Variants in SETD5 observed in about 807,000 individuals in gnomAD.
SETD5 encodes the protein SET domain containing 5, also known as histone-lysine N-methyltransferase SETD5.
A neutral mutation model predicts 153.3 loss-of-function variants in SETD5; 44 were observed. The ratio of observed to expected loss-of-function variants is 0.29; its 90% CI spans 0.23 to 0.37. The LOEUF (loss-of-function observed/expected upper bound fraction) is 0.37, where lower values mean the gene tolerates loss of function less well. Ranked by LOEUF, SETD5 falls within the 10% of genes least tolerant of loss-of-function variation. SETD5 has a pLI of 1.00. For synonymous variants in SETD5, 716 were observed against 645.2 expected (o/e 1.11, Z -1.66); for missense variants, 1,544 against 1,768.0 (o/e 0.87, Z 2.27).
intron 16 of SETD5, among the ~76,000 whole-genome samples, chr3:9,452,659 ATTTTTT>A (rs1164278885): frequency 1.6e-3 from 96 of 59,830 alleles, no homozygotes; most frequent in African/African-American, 6.3e-3. Context: ...ATGATGTAAG[ATTTTTT>A]TTTTTTTTTT....
chr3:9,422,745 A>G (rs1243194284), intron 1 of SETD5, among the ~76,000 whole-genome samples: 1 of 152,106 alleles, frequency 6.6e-6, no homozygotes, highest in Non-Finnish European at 1.5e-5. Flanking sequence ...AGGAAGAGAG[A>G]TTTTGGCGTT....
chr3:9,443,449 T>C (rs1392444071), intron 11 of SETD5, 32 bp downstream of exon 11: 1 of 1,192,378 alleles, frequency 8.4e-7, no homozygotes, highest in Non-Finnish European at 1.1e-6. Context: ...CTAACAGGAA[T>C]ATCCATGTCT....
intron 18 of SETD5, 78 bp from the exon 19 acceptor site, chr3:9,470,381 C>T (rs1027576223): frequency 1.5e-5 from 15 of 1,021,350 alleles, no homozygotes; most frequent in Middle Eastern, 2.1e-4. Flanking sequence ...TCACCTGTGT[C>T]CCTCTCCCCT....
chr3:9,437,951 C>T (rs529366437), intron 7 of SETD5, among the ~76,000 whole-genome samples: 3 of 150,986 alleles, frequency 2.0e-5, no homozygotes, highest in Admixed American at 6.6e-5. Flanking sequence ...TGTAGTGAGC[C>T]GAGATCACGC....
chr3:9,404,415 GTAAT>G (rs1165082424), intron 1 of SETD5, among the ~76,000 whole-genome samples: 29 of 152,238 alleles, frequency 1.9e-4, no homozygotes, highest in African/African-American at 4.3e-4. Context: ...GAAATTTTGA[GTAAT>G]TAATTATTAT....
chr3:9,455,310 T>A (rs752038281), intron 17 of SETD5, among the ~76,000 whole-genome samples: 4 of 151,868 alleles, frequency 2.6e-5, no homozygotes, highest in Admixed American at 6.6e-5. Flanking sequence ...TTCACCATGT[T>A]GGCCAGGCTA....
chr3:9,459,044 C>G lies in SETD5; in HGVS notation c.2476+5176C>G, dbSNP rs191153426. On this transcript the variant is annotated intron_variant, in intron 17 of 22. Coordinates refer to ENST00000402198, the MANE Select transcript of SETD5 (RefSeq NM_001080517.3). ...AATCTATGCTTCAGGATTCGACAAA[C>G]TCTTGGAAAATATTTTCTGCATCCT... Among the ~76,000 whole-genome samples the G allele has an allele frequency of 1.0e-3, 154 of 152,184 alleles. 1 individual carries two copies. The highest frequency in any genetic ancestry group is 3.7e-3 in the African/African-American group (152 of 41,518).
intron 16 of SETD5, among the ~76,000 whole-genome samples, chr3:9,451,978 G>T (rs1575496221): frequency 6.6e-6 from 1 of 152,266 alleles, no homozygotes; most frequent in East Asian, 1.9e-4. Flanking sequence ...GAGGTTAATT[G>T]TATCTTGTTA....
intron 10 of SETD5, chr3:9,443,048 G>T (rs2041502228): frequency 5.9e-6 from 2 of 338,342 alleles, no homozygotes; most frequent in Non-Finnish European, 1.1e-5. Flanking sequence ...TCAAAAAAAA[G>T]ATGTGAAAGT....
At chr3:9,398,024 G>C (rs1444604484) in intron 1 of SETD5, 47 bp downstream of exon 1, 2 of 152,080 alleles carry the variant, frequency 1.3e-5, no homozygotes, top group Non-Finnish European at 2.9e-5. Flanking sequence ...TCGGGCCCCA[G>C]GGGAGGGAAG....
chr3:9,458,830 C>T (rs2043576549), intron 17 of SETD5, among the ~76,000 whole-genome samples: 1 of 152,010 alleles, frequency 6.6e-6, no homozygotes, highest in Non-Finnish European at 1.5e-5. Context: ...GGTATCTTTC[C>T]TACAGAAATA....
At chr3:9,400,000 A>T (rs1198115108) in intron 1 of SETD5, among the ~76,000 whole-genome samples, 1 of 152,180 alleles carries the variant, frequency 6.6e-6, no homozygotes, top group Non-Finnish European at 1.5e-5. Context: ...CCAGGGAAGG[A>T]CAGCAGTGCA....
chr3:9,446,724 C>T (rs1015423343), intron 13 of SETD5, among the ~76,000 whole-genome samples: 2 of 152,140 alleles, frequency 1.3e-5, no homozygotes, highest in Non-Finnish European at 2.9e-5. Context: ...ATCTCCCGAC[C>T]TCATGATCTT....
At chr3:9,467,326 A>T (rs536291557) in intron 18 of SETD5, among the ~76,000 whole-genome samples, 1 of 152,130 alleles carries the variant, frequency 6.6e-6, no homozygotes, top group Non-Finnish European at 1.5e-5. Flanking sequence ...GAAGGTAAGA[A>T]GATAAACAGT....
At chr3:9,456,952 G>C (rs1190348250) in intron 17 of SETD5, among the ~76,000 whole-genome samples, 4 of 152,042 alleles carry the variant, frequency 2.6e-5, no homozygotes, top group Admixed American at 2.6e-4. Context: ...CTCCAGCCTG[G>C]CAATAGAGTG....
In SETD5 at chr3:9,442,118, G is replaced by A. The variant is rs758291558; in HGVS notation, c.960-10G>A. ...GTTGAGAATTACAGGAATTTTAATT[G>A]TATCCCTAGACCATACCCCTTTGTG... is the stretch of plus-strand genomic sequence containing the variant. On this transcript the variant is annotated splice_polypyrimidine_tract_variant and intron_variant, in intron 9 of 22. Transcript: ENST00000402198. 2 of 1,565,676 alleles carry A rather than the reference G, an allele frequency of 1.3e-6. No homozygotes were observed. Among genetic ancestry groups the A allele is most frequent in the Non-Finnish European group, 1.8e-6 (2 of 1,140,558 alleles).
chr3:9,411,012 C>G (rs1422358246), intron 1 of SETD5, among the ~76,000 whole-genome samples: 2 of 152,004 alleles, frequency 1.3e-5, no homozygotes, highest in Non-Finnish European at 2.9e-5. Context: ...TCTCAGCCTC[C>G]CAAGTAGCTG....
At chr3:9,408,085 G>A (rs1033770629) in intron 1 of SETD5, among the ~76,000 whole-genome samples, 2 of 152,042 alleles carry the variant, frequency 1.3e-5, no homozygotes, top group Admixed American at 6.5e-5. Context: ...CTATCCTAGC[G>A]TAATTAGTAA....
Position 9,466,171 on chromosome 3 carries a change from C to G in SETD5, c.2724+1499C>G, listed in dbSNP as rs145153996. 5.5e-3 allele frequency among the ~76,000 whole-genome samples: 833 copies of G among 151,700 alleles called. 11 individuals carry two copies. The highest frequency in any genetic ancestry group is 0.019 in the African/African-American group (806 of 41,368). On this transcript the variant is annotated intron_variant, in intron 18 of 22. Transcript: ENST00000402198. ...GGCGTGGTAGTGGGCGCCTGTAGTC[C>G]CAGCTACTCGGGAGGCTGAGGCAGG...
Sources: gnomAD v4.1 joint callset for allele counts (sites outside exome capture counted in the v4.1 genomes callset) on GRCh38, gnomAD v4.1.1 for gene constraint, MANE v1.5 for transcripts, NCBI Gene and HGNC (gene_info 2026-07-23, HGNC 2026-07-21) for gene names.